FMN1: variants seen among roughly 807,000 people sequenced by gnomAD.
FMN1 encodes formin-1.
In FMN1, 110 loss-of-function variants were observed where a neutral mutation model predicts 132.4. The observed-to-expected ratio is 0.83, with a 90% CI of 0.71 to 0.97. The LOEUF (loss-of-function observed/expected upper bound fraction) is 0.97. Among genes scored for constraint, FMN1 ranks in the 50% least tolerant of loss-of-function variants. FMN1 has a pLI of 0.00. For synonymous variants in FMN1, 722 were observed against 651.7 expected, an observed-to-expected ratio of 1.11 and a Z score of -1.64; for missense variants, 1,792 against 1,705.3, an observed-to-expected ratio of 1.05 and a Z score of -0.90.
At chr15:32,809,088 G>T (rs1487658358) in intron 17 of FMN1, among the ~76,000 whole-genome samples, 1 of 152,012 alleles carries the variant, frequency 6.6e-6, no homozygotes, top group Admixed American at 6.6e-5. Context: ...AAATAACTGG[G>T]AGTCATGGGG....
intron 17 of FMN1, among the ~76,000 whole-genome samples, chr15:32,840,527 G>A (rs2058723745): frequency 6.6e-6 from 1 of 152,174 alleles, no homozygotes; most frequent in Non-Finnish European, 1.5e-5. Context: ...AAATCACTTT[G>A]CTTCAAAAAC....
chr15:32,872,327 T>G (rs1383080418), intron 16 of FMN1, among the ~76,000 whole-genome samples: 1 of 152,216 alleles, frequency 6.6e-6, no homozygotes, highest in Admixed American at 6.5e-5. Context: ...TCCCATTGAA[T>G]AGTACTTCAA....
intron 8 of FMN1, 88 bp from the exon 9 acceptor site, chr15:32,964,345 A>T: frequency 1.0e-6 from 1 of 971,684 alleles, no homozygotes; most frequent in Middle Eastern, 2.3e-4. Context: ...CCATTTTTTA[A>T]TTTCATTTTT....
intron 4 of FMN1, among the ~76,000 whole-genome samples, chr15:33,151,613 A>C (rs1964442034): frequency 6.6e-6 from 1 of 152,218 alleles, no homozygotes; most frequent in Non-Finnish European, 1.5e-5. Flanking sequence ...GGATTTACTA[A>C]AGAGCAATGT....
intron 17 of FMN1, among the ~76,000 whole-genome samples, chr15:32,810,713 T>A (rs964077788): frequency 6.6e-6 from 1 of 152,180 alleles, no homozygotes; most frequent in Non-Finnish European, 1.5e-5. Context: ...AGTGGGGCTT[T>A]TATGCCAAAC....
chr15:33,017,952 C>T (rs913420015), intron 6 of FMN1, among the ~76,000 whole-genome samples: 1 of 151,984 alleles, frequency 6.6e-6, no homozygotes, highest in Non-Finnish European at 1.5e-5. Context: ...GTAATCCCAG[C>T]TACTCGGGGG....
intron 4 of FMN1, among the ~76,000 whole-genome samples, chr15:33,089,388 T>C (rs1226906803): frequency 6.6e-6 from 1 of 152,224 alleles, no homozygotes; most frequent in Non-Finnish European, 1.5e-5. Flanking sequence ...CTGTGCCTTG[T>C]TCATCTTCAT....
chr15:32,920,932 C>T (rs182839929), intron 10 of FMN1, among the ~76,000 whole-genome samples: 1 of 152,326 alleles, frequency 6.6e-6, no homozygotes, highest in East Asian at 1.9e-4. Flanking sequence ...AAGGATTTCT[C>T]CACCTTCAGT....
intron 6 of FMN1, among the ~76,000 whole-genome samples, chr15:33,029,089 TAAAAATC>T (rs1327467275): frequency 1.3e-5 from 2 of 152,110 alleles, no homozygotes; most frequent in African/African-American, 2.4e-5. Context: ...AATAATACCA[TAAAAATC>T]AGAATCTTAA....
intron 5 of FMN1, chr15:33,067,534 A>T: frequency 6.2e-7 from 1 of 1,613,944 alleles, no homozygotes; most frequent in Non-Finnish European, 8.5e-7. Context: ...GCTCTTGAGC[A>T]AGGAGAGATG....
intron 16 of FMN1, among the ~76,000 whole-genome samples, chr15:32,881,080 TTTTTGTATA>T (rs150446775): frequency 0.19 from 28,532 of 151,956 alleles, 2,810 homozygotes; most frequent in East Asian, 0.24. Flanking sequence ...TTTTGCATAT[TTTTTGTATA>T]TTTTGTATAT....
rs528856079 is a variant in FMN1, at chr15:33,041,676, C to T, written c.2161+23281G>A. ...AATCAAAACCACATCATCTCATACCCATTAAAACGGCTATTAAAAAAAAAC... is the reference window on the plus strand; with the variant it reads ...AATCAAAACCACATCATCTCATACCTATTAAAACGGCTATTAAAAAAAAAC... On this transcript the variant is annotated intron_variant, in intron 6 of 20. Coordinates refer to ENST00000616417, the MANE Select transcript of FMN1 (RefSeq NM_001277313.2). Among the ~76,000 whole-genome samples the T allele has an allele frequency of 1.3e-4, 19 of 151,778 alleles. No individual in the cohort carries two copies. In the South Asian group the frequency reaches 3.9e-3, roughly 32 times the overall value.
chr15:32,879,707 G>A (rs2059718055), intron 16 of FMN1, among the ~76,000 whole-genome samples: 2 of 151,902 alleles, frequency 1.3e-5, no homozygotes, highest in Non-Finnish European at 2.9e-5. Context: ...TAAGTGATGT[G>A]GCAAAGTGCA....
At chr15:32,872,323 T>C (rs2059535458) in intron 16 of FMN1, among the ~76,000 whole-genome samples, 2 of 152,196 alleles carry the variant, frequency 1.3e-5, no homozygotes, top group South Asian at 4.1e-4. Context: ...GCACTCCCAT[T>C]GAATAGTACT....
intron 4 of FMN1, among the ~76,000 whole-genome samples, chr15:33,144,678 C>T (rs1359710858): frequency 6.9e-6 from 1 of 145,788 alleles, no homozygotes; most frequent in Non-Finnish European, 1.5e-5. Flanking sequence ...TATTAACCTA[C>T]ACAAAACAAT....
intron 4 of FMN1, among the ~76,000 whole-genome samples, chr15:33,108,039 G>C (rs1272097771): frequency 6.6e-6 from 1 of 152,080 alleles, no homozygotes; most frequent in African/African-American, 2.4e-5. Context: ...ACACTGGCAA[G>C]AATTCTGTGC....
Position 32,774,180 on chromosome 15 carries a change from CAGAA to C in FMN1, c.*126_*129del. 2 of 750,710 alleles carry C rather than the reference CAGAA, an allele frequency of 2.7e-6. No homozygotes were observed. The highest frequency in any genetic ancestry group is 4.6e-6 in the Non-Finnish European group (2 of 437,678). The allele number at this position is 750,710 out of a possible 1,614,324, so 46.5% of individuals were successfully genotyped here. A position where few individuals can be genotyped will look rare whatever the true frequency, so the allele number is the denominator to read the frequency against. Reference sequence around the variant, plus strand: ...ATGGGGCACTCTCTGCAGATGACCTCAGAAAGAGATGAGCAAAAACAAACATTTA... The same window carrying C: ...ATGGGGCACTCTCTGCAGATGACCTCAGAGATGAGCAAAAACAAACATTTA... On this transcript the variant is annotated 3_prime_UTR_variant, in exon 21 of 21. Transcript: ENST00000616417.
At chr15:32,997,921 G>C (rs1326890603) in intron 7 of FMN1, among the ~76,000 whole-genome samples, 2 of 152,122 alleles carry the variant, frequency 1.3e-5, no homozygotes, top group Non-Finnish European at 2.9e-5. Context: ...ATATCTAAAA[G>C]CTCAAGGAAT....
intron 11 of FMN1, among the ~76,000 whole-genome samples, chr15:32,908,890 T>C (rs2060492561): frequency 6.6e-6 from 1 of 152,206 alleles, no homozygotes; most frequent in Non-Finnish European, 1.5e-5. Flanking sequence ...TGAGCTCTAC[T>C]TTTGAATCCC....
Sources: allele counts gnomAD v4.1 joint callset (sites outside exome capture counted in the v4.1 genomes callset), GRCh38; gene constraint gnomAD v4.1.1; transcripts MANE v1.5; gene names NCBI Gene and HGNC (gene_info 2026-07-23, HGNC 2026-07-21).